CNEP1R1: variants seen among roughly 807,000 people sequenced by gnomAD.
CNEP1R1 encodes CTD nuclear envelope phosphatase 1 regulatory subunit 1.
In CNEP1R1, 10 loss-of-function variants were observed where a neutral mutation model predicts 22.7. That is an observed-to-expected ratio of 0.44 (90% confidence interval 0.27 to 0.75). The LOEUF (loss-of-function observed/expected upper bound fraction) is 0.75. Among genes scored for constraint, CNEP1R1 ranks in the 30% least tolerant of loss-of-function variants. The probability of loss-of-function intolerance (pLI) is 0.17; values close to 1 mark genes in which losing one functional copy is unlikely to be tolerated. For missense variants in CNEP1R1, 73 were observed against 151.5 expected (o/e 0.48, Z 2.72); for synonymous variants, 53 against 50.1 (o/e 1.06, Z -0.25).
In CNEP1R1 at chr16:50,026,388, A is replaced by G. The variant is rs576591148; in HGVS notation, c.26-8A>G. On this transcript the variant is annotated splice_polypyrimidine_tract_variant and splice_region_variant and intron_variant, in intron 1 of 5. Transcript: ENST00000427478. ...GGCTAATTAGAAAATTGACATCTTTATACCTAGATCTCAAGGCTTTTGAGA... is the reference window on the plus strand; with the variant it reads ...GGCTAATTAGAAAATTGACATCTTTGTACCTAGATCTCAAGGCTTTTGAGA... The G allele has an allele frequency of 4.4e-6, 7 of 1,596,562 alleles. No homozygotes were observed. The highest frequency in any genetic ancestry group is 3.4e-5 in the Admixed American group (2 of 58,476).
At chr16:50,026,757 C>G in intron 2 of CNEP1R1, 1 of 320,362 alleles carries the variant, frequency 3.1e-6, no homozygotes. Flanking sequence ...GGCGGATCAC[C>G]TAAGGTCAGA....
chr16:50,027,156 C>A (rs561081966), intron 2 of CNEP1R1, among the ~76,000 whole-genome samples: 4 of 151,960 alleles, frequency 2.6e-5, no homozygotes, highest in Non-Finnish European at 5.9e-5. Context: ...ATAATCCCAG[C>A]ACTTTGGGAG....
In CNEP1R1 at chr16:50,035,523, G is replaced by A; in HGVS notation, c.*65G>A. 2 of 1,229,818 alleles carry A rather than the reference G, an allele frequency of 1.6e-6. No individual in the cohort carries two copies. Among genetic ancestry groups the A allele is most frequent in the South Asian group, 1.3e-5 (1 of 75,090 alleles). The allele number at this position is 1,229,818 out of a possible 1,614,324, so 76.2% of individuals were successfully genotyped here. A position where few individuals can be genotyped will look rare whatever the true frequency, so the allele number is the denominator to read the frequency against. ...CTTCGAATAAGTGATACAGCAAAAA[G>A]CCATAAAGGATTCCTTTTGCGGTTG... On this transcript the variant is annotated 3_prime_UTR_variant, in exon 6 of 6. Coordinates refer to ENST00000427478, the MANE Select transcript of CNEP1R1 (RefSeq NM_001281789.2).
In CNEP1R1 at chr16:50,036,158, T is replaced by TA. The variant is rs1258874086; in HGVS notation, c.*701dup. ...ATTTTCTTTTTTTTTTTTTTTTTTT[T>TA]AGACGGAGTCTCGCTCTGTTGCCAG... On this transcript the variant is annotated 3_prime_UTR_variant, in exon 6 of 6. Transcript: ENST00000427478. The TA allele has an allele frequency of 6.7e-6, 1 of 149,466 alleles. No individual in the cohort carries two copies. The highest frequency in any genetic ancestry group is 1.5e-5 in the Non-Finnish European group (1 of 67,244). 9.3% of individuals were successfully genotyped at this position (149,466 alleles called of 1,614,324 possible).
chr16:50,029,321 A>T (rs142851278), intron 2 of CNEP1R1, among the ~76,000 whole-genome samples: 1 of 152,342 alleles, frequency 6.6e-6, no homozygotes, highest in African/African-American at 2.4e-5. Context: ...TTCTCAGTAC[A>T]TTCAAAAAGG....
intron 1 of CNEP1R1, 92 bp downstream of exon 1, chr16:50,025,432 G>A (rs887980429): frequency 7.6e-6 from 10 of 1,315,552 alleles, no homozygotes; most frequent in Non-Finnish European, 1.0e-5. Context: ...CCCGCCCCGG[G>A]AGGAGGCCGC....
At chr16:50,028,698 G>A (rs2036207480) in intron 2 of CNEP1R1, among the ~76,000 whole-genome samples, 2 of 152,140 alleles carry the variant, frequency 1.3e-5, no homozygotes, top group Non-Finnish European at 2.9e-5. Flanking sequence ...AATAAAGCAT[G>A]TGTATGAGGT....
At chr16:50,030,527 A>C (rs2036222562) in intron 3 of CNEP1R1, among the ~76,000 whole-genome samples, 1 of 152,218 alleles carries the variant, frequency 6.6e-6, no homozygotes, top group African/African-American at 2.4e-5. Context: ...AAAACACTGG[A>C]GATGACTTTA....
rs76218980 is a variant in CNEP1R1 at position 50,025,669 on chromosome 16, T to C, written c.25+329T>C. 1,768 of 1,614,028 alleles carry C rather than the reference T, an allele frequency of 1.1e-3. 17 individuals carry two copies. The African/African-American group carries it at 0.021, about 20-fold the overall frequency. The stretch of plus-strand genomic sequence containing the variant: ...CTCACAGCCCCGCGAGTTGTATCCC[T>C]GATTCCTGCGGTGGTTTCCGGTAAC... On this transcript the variant is annotated intron_variant, in intron 1 of 5. Transcript: ENST00000427478.
At chr16:50,035,385 A>G (rs2036266697) in intron 5 of CNEP1R1, 32 bp from the exon 6 acceptor site, 4 of 1,306,840 alleles carry the variant, frequency 3.1e-6, no homozygotes, top group Admixed American at 3.9e-5. Context: ...AGAACTGTGT[A>G]TTGAAAAAAT....
At chr16:50,029,037 T>C (rs2036210499) in intron 2 of CNEP1R1, among the ~76,000 whole-genome samples, 1 of 152,220 alleles carries the variant, frequency 6.6e-6, no homozygotes, top group Non-Finnish European at 1.5e-5. Flanking sequence ...ACGGTCATCA[T>C]CTCCAGAATA....
intron 1 of CNEP1R1, 147 bp downstream of exon 1, chr16:50,025,487 C>A: frequency 9.1e-7 from 1 of 1,102,480 alleles, no homozygotes. Context: ...GCGTAGGCGG[C>A]CGTACCTGGC....
intron 1 of CNEP1R1, chr16:50,025,726 T>C: frequency 6.2e-7 from 1 of 1,603,238 alleles, no homozygotes; most frequent in Middle Eastern, 1.7e-4. Flanking sequence ...CTCGGTGTTT[T>C]AAAGTTTAAA....
chr16:50,028,808 C>G (rs1007895591), intron 2 of CNEP1R1, among the ~76,000 whole-genome samples: 1 of 152,070 alleles, frequency 6.6e-6, no homozygotes, highest in African/African-American at 2.4e-5. Flanking sequence ...AAATTGAGTT[C>G]AGTCTGTTCT....
At position 50,033,521 on chromosome 16, in the gene CNEP1R1, G is replaced by A. The variant is rs1014083639; in HGVS notation, c.281+15G>A. The A allele has an allele frequency of 1.5e-6, 2 of 1,339,924 alleles. No homozygotes were observed. The highest frequency in any genetic ancestry group is 1.4e-5 in the African/African-American group (1 of 69,144). The allele number at this position is 1,339,924 out of a possible 1,614,324, so 83.0% of individuals were successfully genotyped here. ...GCACCATCAATGTATCCTTTACCAA[G>A]GATTAAATTCCATTCTCTGAAGTGC... On this transcript the variant is annotated intron_variant, in intron 4 of 5. Transcript: ENST00000427478.
intron 5 of CNEP1R1, chr16:50,034,482 G>A: frequency 3.1e-6 from 1 of 320,082 alleles, no homozygotes; most frequent in South Asian, 3.2e-5. Flanking sequence ...AAATGGCTCA[G>A]CGGATATTGG....
chr16:50,025,608 C>G (rs1194053249), intron 1 of CNEP1R1: 1 of 1,539,404 alleles, frequency 6.5e-7, no homozygotes, highest in Non-Finnish European at 9.0e-7. Flanking sequence ...ACTTGCACTT[C>G]GTGCATTGCA....
Position 50,037,040 on chromosome 16 carries a change from G to A in CNEP1R1, c.*1582G>A, listed in dbSNP as rs1019772537. On this transcript the variant is annotated 3_prime_UTR_variant, in exon 6 of 6. Transcript: ENST00000427478. ...CTTTGTTTTATTTTCTGTAAATTTT[G>A]TAGGTAAATATGTGCATTAAAAATA... The A allele has an allele frequency of 3.9e-5, 6 of 152,634 alleles. No homozygotes were observed. The East Asian group carries it at 1.2e-3, about 29-fold the overall frequency. The allele number at this position is 152,634 out of a possible 1,614,324, so 9.5% of individuals were successfully genotyped here. A position where few individuals can be genotyped will look rare whatever the true frequency, so the allele number is the denominator to read the frequency against.
chr16:50,027,368 C>T (rs1010611031), intron 2 of CNEP1R1, among the ~76,000 whole-genome samples: 2 of 151,774 alleles, frequency 1.3e-5, no homozygotes, highest in Non-Finnish European at 2.9e-5. Flanking sequence ...ATTAGCCGGG[C>T]GTGGTGGCGG....
Sources: gnomAD v4.1 joint callset for allele counts (sites outside exome capture counted in the v4.1 genomes callset) on GRCh38, gnomAD v4.1.1 for gene constraint, MANE v1.5 for transcripts, NCBI Gene and HGNC (gene_info 2026-07-23, HGNC 2026-07-21) for gene names.